ADGRL3: variants seen among roughly 807,000 people sequenced by gnomAD.
ADGRL3 encodes adhesion G protein-coupled receptor L3.
In ADGRL3, 62 loss-of-function variants were observed where a neutral mutation model predicts 153.5. The observed-to-expected ratio is 0.40, with a 90% CI of 0.33 to 0.50. ADGRL3 has a LOEUF of 0.50. Ranked by LOEUF, ADGRL3 falls within the 20% of genes least tolerant of loss-of-function variation. The probability of loss-of-function intolerance (pLI) is 0.47; values close to 1 mark genes in which losing one functional copy is unlikely to be tolerated. For missense variants in ADGRL3, 1,641 were observed against 1,859.4 expected, an observed-to-expected ratio of 0.88 and a Z score of 2.16; for synonymous variants, 710 against 672.5, an observed-to-expected ratio of 1.06 and a Z score of -0.86.
chr4:61,204,569 T>C (rs1283097881), intron 1 of ADGRL3, among the ~76,000 whole-genome samples: 1 of 152,160 alleles, frequency 6.6e-6, no homozygotes, highest in Non-Finnish European at 1.5e-5. Flanking sequence ...TGTCAGTGTA[T>C]TGTGCTGTCT....
intron 1 of ADGRL3, among the ~76,000 whole-genome samples, chr4:61,326,835 T>C (rs190952520): frequency 1.6e-4 from 25 of 152,130 alleles, no homozygotes; most frequent in Admixed American, 4.6e-4. Flanking sequence ...CAGCTAAATC[T>C]GCTCATGCTG....
intron 13 of ADGRL3, among the ~76,000 whole-genome samples, chr4:61,916,958 A>T (rs765759107): frequency 6.6e-6 from 1 of 152,136 alleles, no homozygotes; most frequent in East Asian, 1.9e-4. Flanking sequence ...ATCTCCAAAA[A>T]AAAATAAAAA....
rs184244436 is a variant in ADGRL3, at chr4:61,450,711, C to T, written c.-173-46410C>T. On this transcript the variant is annotated intron_variant, in intron 2 of 26. Transcript: ENST00000683033. ...CAAAAATCATAGCTTTCTTGTATAC[C>T]GGCAAAAGCAGCTTGAAATTTTGTT... is the stretch of plus-strand genomic sequence containing the variant. Among the ~76,000 whole-genome samples, 19 of 152,010 alleles carry T rather than the reference C, an allele frequency of 1.2e-4. No homozygotes were observed. The East Asian group carries it at 1.9e-3, about 15-fold the overall frequency.
chr4:61,912,008 C>T (rs955504640), intron 12 of ADGRL3, among the ~76,000 whole-genome samples: 3 of 152,162 alleles, frequency 2.0e-5, no homozygotes, highest in African/African-American at 7.2e-5. Context: ...AGAAAGACAT[C>T]ACTCTCTATG....
At chr4:61,537,426 C>T (rs151275086) in intron 4 of ADGRL3, among the ~76,000 whole-genome samples, 4 of 152,110 alleles carry the variant, frequency 2.6e-5, no homozygotes, top group African/African-American at 9.6e-5. Context: ...ACCTCTCTGG[C>T]AAGATTACAG....
At chr4:61,332,921 C>G (rs567478178) in intron 1 of ADGRL3, among the ~76,000 whole-genome samples, 1 of 152,014 alleles carries the variant, frequency 6.6e-6, no homozygotes, top group Admixed American at 6.6e-5. Flanking sequence ...TGAAAGAATC[C>G]GTATTCTATT....
chr4:61,344,412 C>T (rs1057130811), intron 1 of ADGRL3, among the ~76,000 whole-genome samples: 64 of 152,260 alleles, frequency 4.2e-4, no homozygotes, highest in African/African-American at 1.5e-3. Flanking sequence ...ACTTGATTAA[C>T]AAAAGTCACT....
chr4:61,680,859 T>G (rs1049320267), intron 6 of ADGRL3, among the ~76,000 whole-genome samples: 1 of 152,096 alleles, frequency 6.6e-6, no homozygotes, highest in African/African-American at 2.4e-5. Context: ...CCTTCTTACT[T>G]CTGTTCTGTT....
chr4:61,717,338 A>C (rs1025884660), intron 6 of ADGRL3, among the ~76,000 whole-genome samples: 1 of 151,998 alleles, frequency 6.6e-6, no homozygotes, highest in Non-Finnish European at 1.5e-5. Flanking sequence ...AGGGCATCGG[A>C]ATTGTGCTAC....
At chr4:61,747,263 G>A (rs1363079626) in intron 8 of ADGRL3, among the ~76,000 whole-genome samples, 3 of 149,326 alleles carry the variant, frequency 2.0e-5, no homozygotes, top group Non-Finnish European at 4.4e-5. Flanking sequence ...ATTCACAGCT[G>A]AATTCTACCA....
chr4:61,436,700 C>A (rs1560630134), intron 2 of ADGRL3, among the ~76,000 whole-genome samples: 1 of 151,830 alleles, frequency 6.6e-6, no homozygotes, highest in East Asian at 1.9e-4. Flanking sequence ...CATGGTGGTC[C>A]CTAACTTGAA....
chr4:61,657,385 T>C (rs1381730632), intron 5 of ADGRL3, among the ~76,000 whole-genome samples: 2 of 152,068 alleles, frequency 1.3e-5, no homozygotes, highest in African/African-American at 4.8e-5. Context: ...TATACATATA[T>C]GTCTATATAT....
intron 2 of ADGRL3, among the ~76,000 whole-genome samples, chr4:61,411,005 C>G (rs894533072): frequency 1.3e-5 from 2 of 152,164 alleles, no homozygotes; most frequent in Non-Finnish European, 2.9e-5. Flanking sequence ...TTACAAAACA[C>G]AAATTCAGAG....
chr4:61,430,293 G>A (rs1025748423), intron 2 of ADGRL3, among the ~76,000 whole-genome samples: 2 of 152,172 alleles, frequency 1.3e-5, no homozygotes, highest in African/African-American at 4.8e-5. Flanking sequence ...TAGCTGATGA[G>A]ATGGCTTTGC....
chr4:61,268,776 T>C (rs1339807122), intron 1 of ADGRL3, among the ~76,000 whole-genome samples: 2 of 151,750 alleles, frequency 1.3e-5, no homozygotes, highest in East Asian at 3.9e-4. Flanking sequence ...AGATAATTTC[T>C]TGAGAAACAT....
Position 62,070,452 on chromosome 4 carries a change from G to A in ADGRL3, c.4176G>A (p.Leu1392=), listed in dbSNP as rs989510567. The A allele has an allele frequency of 1.3e-6, 2 of 1,551,540 alleles. No individual in the cohort carries two copies. Among genetic ancestry groups the A allele is most frequent in the Non-Finnish European group, 8.7e-7 (1 of 1,146,930 alleles). The change falls in exon 27 of 27, where the codon CTG becomes CTA. Residue 1392 remains leucine, a synonymous_variant. Coordinates refer to ENST00000683033, the MANE Select transcript of ADGRL3 (RefSeq NM_001387552.1). ...TTAACCACGAGGAGAGTTTGGGCCT[G>A]GAACTCATTCATGAGGAATCTGATG... is the stretch of plus-strand genomic sequence containing the variant. ...TSFNHEESLG[L]ELIHEESDAP... is the part of the protein sequence containing the mutation.
chr4:61,829,497 G>T (rs2097846874), intron 9 of ADGRL3, among the ~76,000 whole-genome samples: 1 of 151,982 alleles, frequency 6.6e-6, no homozygotes, highest in Non-Finnish European at 1.5e-5. Flanking sequence ...GCCCGTATCT[G>T]TTTAAAATAA....
At chr4:61,411,550 A>G (rs1376536043) in intron 2 of ADGRL3, among the ~76,000 whole-genome samples, 3 of 152,200 alleles carry the variant, frequency 2.0e-5, no homozygotes, top group Non-Finnish European at 2.9e-5. Context: ...ATAATCAGCT[A>G]TTTCCAATTT....
At chr4:61,796,900 C>T (rs1251899047) in intron 8 of ADGRL3, among the ~76,000 whole-genome samples, 1 of 151,728 alleles carries the variant, frequency 6.6e-6, no homozygotes, top group South Asian at 2.1e-4. Context: ...CAGTTAGTAC[C>T]CCTTCTATAT....
Sources: allele counts gnomAD v4.1 joint callset (sites outside exome capture counted in the v4.1 genomes callset), GRCh38; gene constraint gnomAD v4.1.1; transcripts MANE v1.5; gene names NCBI Gene and HGNC (gene_info 2026-07-23, HGNC 2026-07-21).